OLFM4: variants seen among roughly 807,000 people sequenced by gnomAD.
OLFM4 encodes olfactomedin-4.
A neutral mutation model predicts 25.5 loss-of-function variants in OLFM4; 22 were observed. The observed-to-expected ratio is 0.86, with a 90% CI of 0.62 to 1.23. OLFM4 has a LOEUF of 1.23. OLFM4 is among the 50% of genes most tolerant of loss of function. The probability of loss-of-function intolerance (pLI) is 0.00; values close to 1 mark genes in which losing one functional copy is unlikely to be tolerated. For missense variants in OLFM4, 594 were observed against 619.4 expected (o/e 0.96, Z 0.44); for synonymous variants, 255 against 237.7 (o/e 1.07, Z -0.67).
At chr13:53,031,202 C>CT (rs373922701) in intron 1 of OLFM4, among the ~76,000 whole-genome samples, 9 of 151,494 alleles carry the variant, frequency 5.9e-5, no homozygotes, top group South Asian at 2.1e-4. Context: ...ACAACTCCAA[C>CT]TTTTTTTTTA....
At chr13:53,032,871 G>A in intron 1 of OLFM4, among the ~76,000 whole-genome samples, 1 of 152,134 alleles carries the variant, frequency 6.6e-6, no homozygotes, top group East Asian at 1.9e-4. Context: ...ATGGAGGTTG[G>A]TGGCCATTAA....
At position 53,034,397 on chromosome 13, in the gene OLFM4, GCT is replaced by G. The variant is rs753407729; in HGVS notation, c.257_258del (p.Ser86CysfsTer28). The G allele has an allele frequency of 6.2e-7, 1 of 1,614,000 alleles. No individual in the cohort carries two copies. Among genetic ancestry groups the G allele is most frequent in the Non-Finnish European group, 8.5e-7 (1 of 1,180,022 alleles). ...GTGGATGACCGTGGGACCTGCCAGT[GCT>G]CTGTTTCCCTGCCAGACACCACCTT... On this transcript the variant is annotated frameshift_variant, in exon 2 of 5. Transcript: ENST00000219022. LOFTEE classifies it high-confidence loss of function.
Position 53,043,242 on chromosome 13 carries a change from C to T in OLFM4, c.708C>T (p.Val236=), listed in dbSNP as rs755141330. ...CCTCTAAAGATCAAAACACCCCTGT[C>T]GTCCACCCTCCTCCCACTCCAGGTA... ...CEASKDQNTP[V]VHPPPTPGSC... Residue 236 remains valine, a synonymous_variant, in exon 4 of 5, where the codon GTC becomes GTT. Coordinates refer to ENST00000219022, the MANE Select transcript of OLFM4 (RefSeq NM_006418.5). 8.1e-6 allele frequency: 13 copies of T among 1,608,768 alleles called. No individual in the cohort carries two copies. In the Admixed American group the frequency reaches 1.2e-4, roughly 15 times the overall value.
intron 4 of OLFM4, 115 bp downstream of exon 4, chr13:53,043,379 T>C (rs894294412): frequency 1.1e-6 from 1 of 901,502 alleles, no homozygotes; most frequent in Admixed American, 3.2e-5. Flanking sequence ...TTGTTTTTTT[T>C]TTTTTTTTTT....
Position 53,050,401 on chromosome 13 carries a change from A to G in OLFM4, c.1163A>G (p.Asp388Gly), listed in dbSNP as rs1188661599. 1.5e-5 allele frequency: 25 copies of G among 1,614,046 alleles called. No homozygotes were observed. Among genetic ancestry groups the G allele is most frequent in the Non-Finnish European group, 1.9e-5 (23 of 1,179,972 alleles). ...VAWQDIDFAVDENGLWVIYST... is the reference protein window; with the variant it reads ...VAWQDIDFAVGENGLWVIYST... ...TGGCAAGATATTGACTTTGCTGTGG[A>G]TGAGAATGGATTGTGGGTTATTTAT... The change falls in exon 5 of 5, where the codon GAT becomes GGT. Residue 388 changes from aspartate (D) to glycine (G), a missense_variant. Transcript: ENST00000219022.
At chr13:53,047,336 C>A (rs898826524) in intron 4 of OLFM4, among the ~76,000 whole-genome samples, 1 of 152,108 alleles carries the variant, frequency 6.6e-6, no homozygotes, top group African/African-American at 2.4e-5. Context: ...ACAGTGGGCA[C>A]TGGACTGGCT....
chr13:53,040,489 A>G (rs1954681438), intron 2 of OLFM4, among the ~76,000 whole-genome samples: 1 of 152,262 alleles, frequency 6.6e-6, no homozygotes, highest in Admixed American at 6.5e-5. Context: ...GGAATTCGGC[A>G]TAGCGCATTT....
intron 2 of OLFM4, among the ~76,000 whole-genome samples, chr13:53,036,456 G>A (rs186411693): frequency 0.014 from 2,070 of 152,272 alleles, 17 homozygotes; most frequent in Non-Finnish European, 0.023. Context: ...AACCTTATGT[G>A]CTCCAGGGAG....
intron 3 of OLFM4, 89 bp from the exon 4 acceptor site, chr13:53,043,016 G>A: frequency 4.0e-6 from 4 of 1,004,506 alleles, no homozygotes; most frequent in East Asian, 2.5e-5. Context: ...CTCTGGCAAT[G>A]TTTCACTAAA....
Position 53,050,488 on chromosome 13 carries a change from T to G in OLFM4, c.1250T>G (p.Val417Gly), listed in dbSNP as rs1440678403. 2 of 1,614,070 alleles carry G rather than the reference T, an allele frequency of 1.2e-6. No homozygotes were observed. The highest frequency in any genetic ancestry group is 1.7e-6 in the Non-Finnish European group (2 of 1,179,982). ...ISKLNDTTLQ[V>G]LNTWYTKQYK... ...AAACTCAATGACACCACACTTCAGGTGCTAAACACTTGGTATACCAAGCAG... is the reference window on the plus strand; with the variant it reads ...AAACTCAATGACACCACACTTCAGGGGCTAAACACTTGGTATACCAAGCAG... The change falls in exon 5 of 5, where the codon GTG becomes GGG. Residue 417 changes from valine to glycine, a missense_variant. Val to Gly is a moderately radical substitution (Grantham distance 109). Coordinates refer to ENST00000219022, the MANE Select transcript of OLFM4 (RefSeq NM_006418.5).
chr13:53,043,125 G>T lies in OLFM4; in HGVS notation c.591G>T (p.Leu197Phe). 1 of 1,605,084 alleles carries T rather than the reference G, an allele frequency of 6.2e-7. No homozygotes were observed. Among genetic ancestry groups the T allele is most frequent in the Non-Finnish European group, 8.5e-7 (1 of 1,177,092 alleles). Reference protein sequence around the residue: ...LEVEIRNMTLLVEKLETLDKN... With the variant: ...LEVEIRNMTLFVEKLETLDKN... ...CTTAGATAAGAAATATGACTCTCTT[G>T]GTAGAGAAGCTTGAGACACTAGACA... The change falls in exon 4 of 5, where the codon TTG becomes TTT. Residue 197 changes from leucine to phenylalanine, a missense_variant. Coordinates refer to ENST00000219022, the MANE Select transcript of OLFM4 (RefSeq NM_006418.5).
chr13:53,031,628 A>C (rs1954629369), intron 1 of OLFM4, among the ~76,000 whole-genome samples: 1 of 152,206 alleles, frequency 6.6e-6, no homozygotes, highest in Admixed American at 6.5e-5. Context: ...TCTTGTCATC[A>C]GGCTACAAGG....
At position 53,050,825 on chromosome 13, in the gene OLFM4, T is replaced by A; in HGVS notation, c.*54T>A. 2 of 1,461,888 alleles carry A rather than the reference T, an allele frequency of 1.4e-6. No homozygotes were observed. Among genetic ancestry groups the A allele is most frequent in the Non-Finnish European group, 1.8e-6 (2 of 1,088,864 alleles). 90.6% of individuals were successfully genotyped at this position (1,461,888 alleles called of 1,614,324 possible). On this transcript the variant is annotated 3_prime_UTR_variant, in exon 5 of 5. Transcript: ENST00000219022. ...AATGTTTGTTGAAAAAATAGTCTTC[T>A]CCACTTACTTAGATATCTGCAGGGG...
chr13:53,033,427 A>G (rs570778328), intron 1 of OLFM4, among the ~76,000 whole-genome samples: 2 of 152,348 alleles, frequency 1.3e-5, no homozygotes, highest in South Asian at 2.1e-4. Context: ...TTTGCATCAT[A>G]TATTTTCACT....
At chr13:53,044,950 T>A (rs1214429304) in intron 4 of OLFM4, among the ~76,000 whole-genome samples, 1 of 152,180 alleles carries the variant, frequency 6.6e-6, no homozygotes, top group East Asian at 1.9e-4. Context: ...TCCCTTAGAA[T>A]GAGGACATTT....
In OLFM4 at chr13:53,041,948, G is replaced by A; in HGVS notation, c.396G>A (p.Lys132=). ...TCCAATTAATTAGTGTGTATGAAAA[G>A]AAACTGTTAAACCTAACTGTCCGAA... ...EYVQLISVYE[K]KLLNLTVRID... Residue 132 remains lysine, a synonymous_variant, in exon 3 of 5, where the codon AAG becomes AAA. Coordinates refer to ENST00000219022, the MANE Select transcript of OLFM4 (RefSeq NM_006418.5). 1 of 1,613,920 alleles carries A rather than the reference G, an allele frequency of 6.2e-7. No homozygotes were observed. Among genetic ancestry groups the A allele is most frequent in the Non-Finnish European group, 8.5e-7 (1 of 1,179,850 alleles).
chr13:53,030,270 T>A (rs1260234578), intron 1 of OLFM4, among the ~76,000 whole-genome samples: 1 of 152,182 alleles, frequency 6.6e-6, no homozygotes, highest in Non-Finnish European at 1.5e-5. Flanking sequence ...AGGACTAGGT[T>A]AAGTACATAA....
intron 1 of OLFM4, among the ~76,000 whole-genome samples, chr13:53,033,293 A>C (rs1001855453): frequency 2.6e-5 from 4 of 152,328 alleles, no homozygotes; most frequent in Admixed American, 2.6e-4. Context: ...CTGGAAAAAA[A>C]CTTTTATTAA....
intron 4 of OLFM4, among the ~76,000 whole-genome samples, chr13:53,044,507 G>A (rs950685065): frequency 6.6e-6 from 1 of 152,132 alleles, no homozygotes; most frequent in African/African-American, 2.4e-5. Context: ...TTATTAAATA[G>A]GTATAGCCAT....
Sources: gnomAD v4.1 joint callset for allele counts (sites outside exome capture counted in the v4.1 genomes callset) on GRCh38, gnomAD v4.1.1 for gene constraint, MANE v1.5 for transcripts, NCBI Gene and HGNC (gene_info 2026-07-23, HGNC 2026-07-21) for gene names.